The following CACNA1I variants were observed in gnomAD, a reference collection of about 807,000 sequenced individuals.
The protein encoded by CACNA1I is calcium voltage-gated channel subunit alpha1 I.
In CACNA1I, 74 loss-of-function variants were observed where a neutral mutation model predicts 201.6. The ratio of observed to expected loss-of-function variants is 0.37; its 90% CI spans 0.30 to 0.45. CACNA1I has a LOEUF of 0.45. CACNA1I is among the 20% of genes least tolerant of loss of function. CACNA1I has a pLI of 1.00. For synonymous variants in CACNA1I, 1,431 were observed against 1,345.2 expected, an observed-to-expected ratio of 1.06 and a Z score of -1.40; for missense variants, 2,346 against 3,138.1, an observed-to-expected ratio of 0.75 and a Z score of 6.03.
intron 8 of CACNA1I, 101 bp downstream of exon 8, chr22:39,646,982 C>T (rs1934513261): frequency 7.0e-7 from 1 of 1,426,104 alleles, no homozygotes; most frequent in South Asian, 1.5e-5. Context: ...AATTCCAGGT[C>T]TTCACTTCAT....
chr22:39,659,192 C>A lies in CACNA1I; in HGVS notation c.2330+76C>A. ...GCGGGAGCCTGGGGGATGTGGTCCA[C>A]TGTGCTTCTCTGGACAAAGCCACCT... On this transcript the variant is annotated intron_variant, in intron 12 of 36. Transcript: ENST00000402142. This position sits in a 1 kb window ranked among gnomAD's most constrained non-coding sequence, Gnocchi z 4.3. 6.4e-7 allele frequency: 1 copy of A among 1,554,372 alleles called. No individual in the cohort carries two copies. Among genetic ancestry groups the A allele is most frequent in the East Asian group, 2.3e-5 (1 of 43,372 alleles).
Position 39,672,427 on chromosome 22 carries a change from C to T in CACNA1I, c.4649+119C>T, listed in dbSNP as rs565477593. 1.4e-4 allele frequency: 103 copies of T among 723,486 alleles called. No individual in the cohort carries two copies. The East Asian group carries it at 1.4e-3, about 10-fold the overall frequency. The allele number at this position is 723,486 out of a possible 1,614,324, so 44.8% of individuals were successfully genotyped here. On this transcript the variant is annotated intron_variant, in intron 27 of 36. Coordinates refer to ENST00000402142, the MANE Select transcript of CACNA1I (RefSeq NM_021096.4). ...AGGGGAACCAGTAAGCATCTAGGCA[C>T]GGATGGACAGGCACCCCAGCTGCTG...
At chr22:39,589,629 G>A (rs1932799139) in intron 1 of CACNA1I, among the ~76,000 whole-genome samples, 1 of 152,218 alleles carries the variant, frequency 6.6e-6, no homozygotes, top group Non-Finnish European at 1.5e-5. Context: ...TGAGGCACAG[G>A]CCACGTATAC....
intron 1 of CACNA1I, among the ~76,000 whole-genome samples, chr22:39,592,545 CT>C (rs1210240981): frequency 6.6e-6 from 1 of 152,204 alleles, no homozygotes. Flanking sequence ...CAGTGAGGGC[CT>C]GAGGGGTGAA....
intron 24 of CACNA1I, among the ~76,000 whole-genome samples, chr22:39,668,872 G>A (rs1935281027): frequency 6.6e-6 from 1 of 152,150 alleles, no homozygotes; most frequent in Non-Finnish European, 1.5e-5. Flanking sequence ...TTTATTCTGA[G>A]GGCAGAGAGA....
At chr22:39,612,597 T>G (rs1020542511) in intron 3 of CACNA1I, among the ~76,000 whole-genome samples, 2 of 152,154 alleles carry the variant, frequency 1.3e-5, no homozygotes, top group Non-Finnish European at 2.9e-5. Context: ...GAGTTTCCCT[T>G]TGCCTGTTTT....
At chr22:39,585,366 T>TTTTCTTTC (rs199756533) in intron 1 of CACNA1I, among the ~76,000 whole-genome samples, 8 of 116,114 alleles carry the variant, frequency 6.9e-5, no homozygotes, top group East Asian at 8.1e-4. Context: ...CCCGGGCTTT[T>TTTTCTTTC]TTTCTTTCTT....
intron 1 of CACNA1I, among the ~76,000 whole-genome samples, chr22:39,588,039 G>A (rs1169878953): frequency 2.0e-5 from 3 of 152,022 alleles, no homozygotes; most frequent in African/African-American, 7.2e-5. Flanking sequence ...GCCTCCCAAA[G>A]TGCTGGGATT....
rs1039583561 is a variant in CACNA1I at position 39,685,612 on chromosome 22, G to A, written c.6028-149G>A. Reference sequence around the variant, plus strand: ...AAGGCCCTGCGGTGACGCCGCCTAAGCTGGACGTGCGGAGGGGAGAAGCCC... The same window carrying A: ...AAGGCCCTGCGGTGACGCCGCCTAAACTGGACGTGCGGAGGGGAGAAGCCC... On this transcript the variant is annotated intron_variant, in intron 36 of 36. Coordinates refer to ENST00000402142, the MANE Select transcript of CACNA1I (RefSeq NM_021096.4). The surrounding 1 kb of genome is among the most constrained non-coding windows in gnomAD (Gnocchi z 5.0). The A allele has an allele frequency of 2.6e-5, 17 of 650,154 alleles. No individual in the cohort carries two copies. The highest frequency in any genetic ancestry group is 4.1e-5 in the Non-Finnish European group (17 of 419,444). The allele number at this position is 650,154 out of a possible 1,614,324, so 40.3% of individuals were successfully genotyped here.
Position 39,662,023 on chromosome 22 carries a change from G to T in CACNA1I, c.2960G>T (p.Arg987Leu). ...GGCCGCAGCGCGGCCTGGGCCAGCC[G>T]TCGCTCCAGCTGGAACAGCCTCAAG... is the stretch of plus-strand genomic sequence containing the variant. Reference protein sequence around the residue: ...PWGRSAAWASRRSSWNSLKHK... With the variant: ...PWGRSAAWASLRSSWNSLKHK... The change falls in exon 17 of 37, where the codon CGT becomes CTT. Residue 987 changes from arginine (R) to leucine (L), a missense_variant. By Grantham distance (102) the Arg-to-Leu change is moderately radical (BLOSUM62 -2). Transcript: ENST00000402142. 1 of 1,566,896 alleles carries T rather than the reference G, an allele frequency of 6.4e-7. No homozygotes were observed.
chr22:39,619,995 C>G (rs1933681304), intron 4 of CACNA1I, among the ~76,000 whole-genome samples: 1 of 151,058 alleles, frequency 6.6e-6, no homozygotes, highest in African/African-American at 2.4e-5. Flanking sequence ...ATCTACCTGT[C>G]CACCCATCCA....
In CACNA1I at chr22:39,685,862, G is replaced by T; in HGVS notation, c.6129G>T (p.Arg2043=). 1 of 1,474,570 alleles carries T rather than the reference G, an allele frequency of 6.8e-7. No homozygotes were observed. The highest frequency in any genetic ancestry group is 8.9e-7 in the Non-Finnish European group (1 of 1,121,442). The allele number at this position is 1,474,570 out of a possible 1,614,324, so 91.3% of individuals were successfully genotyped here. The change falls in exon 37 of 37, where the codon CGG becomes CGT. Residue 2043 remains arginine (R), a synonymous_variant. Coordinates refer to ENST00000402142, the MANE Select transcript of CACNA1I (RefSeq NM_021096.4). The surrounding 1 kb of genome is among the most constrained non-coding windows in gnomAD (Gnocchi z 5.0). ...EDSLTLSDSP[R]RALGPPAPAP... The stretch of plus-strand genomic sequence containing the variant: ...GCCTGACCCTGAGCGACAGCCCCCG[G>T]CGTGCCCTGGGGCCGCCCGCGCCTG...
At chr22:39,650,056 T>C (rs1934604753) in intron 10 of CACNA1I, 131 bp downstream of exon 10, 1 of 972,976 alleles carries the variant, frequency 1.0e-6, no homozygotes, top group African/African-American at 1.6e-5. Context: ...CGGGCTGAGC[T>C]GGGTCCAGTT....
intron 3 of CACNA1I, among the ~76,000 whole-genome samples, chr22:39,604,295 C>T (rs540034685): frequency 6.6e-6 from 1 of 152,244 alleles, no homozygotes; most frequent in South Asian, 2.1e-4. Flanking sequence ...GAAGAGCTGC[C>T]TAGCTTCAGC....
Position 39,679,093 on chromosome 22 carries a change from T to G in CACNA1I, c.5056-14T>G, listed in dbSNP as rs1601528384. On this transcript the variant is annotated splice_polypyrimidine_tract_variant and intron_variant, in intron 31 of 36. Transcript: ENST00000402142. ...GTCTCCGTCCTCATCCTCACCGCCC[T>G]CCCTGCCACGCAGGACACGCTGCGG... 4 of 1,567,030 alleles carry G rather than the reference T, an allele frequency of 2.6e-6. No individual in the cohort carries two copies. The highest frequency in any genetic ancestry group is 1.7e-4 in the Middle Eastern group (1 of 5,962).
In CACNA1I at chr22:39,649,960, G is replaced by A. The variant is rs751661588; in HGVS notation, c.1992+35G>A. ...GCGCAGCCGGGCCGGGCCTGCGGGA[G>A]AGGTGTGAGGGCCCCAGGACCCTGC... On this transcript the variant is annotated intron_variant, in intron 10 of 36. Coordinates refer to ENST00000402142, the MANE Select transcript of CACNA1I (RefSeq NM_021096.4). The surrounding 1 kb of genome is among the most constrained non-coding windows in gnomAD (Gnocchi z 7.3). 3.7e-5 allele frequency: 59 copies of A among 1,610,360 alleles called. No homozygotes were observed. Among genetic ancestry groups the A allele is most frequent in the Non-Finnish European group, 4.4e-5 (52 of 1,177,684 alleles).
intron 1 of CACNA1I, among the ~76,000 whole-genome samples, chr22:39,578,161 A>C (rs928488593): frequency 6.6e-6 from 1 of 151,984 alleles, no homozygotes; most frequent in Non-Finnish European, 1.5e-5. Context: ...GGAGAGCTGT[A>C]AGTGTGTTGG....
intron 1 of CACNA1I, among the ~76,000 whole-genome samples, chr22:39,583,938 C>A (rs1932662943): frequency 1.3e-5 from 2 of 152,200 alleles, no homozygotes; most frequent in African/African-American, 4.8e-5. Context: ...TGCATCCTGG[C>A]AGGCAAGGTT....
At chr22:39,591,473 C>T (rs2145817364) in intron 1 of CACNA1I, among the ~76,000 whole-genome samples, 1 of 152,004 alleles carries the variant, frequency 6.6e-6, no homozygotes. Flanking sequence ...GGCCTGGATT[C>T]TTTACAAAAG....
Sources: gnomAD v4.1 joint callset for allele counts (sites outside exome capture counted in the v4.1 genomes callset) on GRCh38, gnomAD v4.1.1 for gene constraint, Gnocchi (gnomAD v3.1) non-coding constraint, MANE v1.5 for transcripts, NCBI Gene and HGNC (gene_info 2026-07-23, HGNC 2026-07-21) for gene names.